Variants in RETREG1 observed in about 807,000 individuals in gnomAD.
RETREG1 encodes reticulophagy regulator 1.
A neutral mutation model predicts 54.8 loss-of-function variants in RETREG1; 44 were observed. The observed-to-expected ratio is 0.80, with a 90% confidence interval of 0.63 to 1.03. RETREG1 has a LOEUF of 1.03. Among genes scored for constraint, RETREG1 ranks in the 50% least tolerant of loss-of-function variants. The pLI is 0.00. For synonymous variants in RETREG1, 217 were observed against 238.5 expected (o/e 0.91, Z 0.83); for missense variants, 554 against 605.1 (o/e 0.92, Z 0.89).
intron 3 of RETREG1, among the ~76,000 whole-genome samples, chr5:16,515,198 T>C (rs960586874): frequency 6.6e-6 from 1 of 152,096 alleles, no homozygotes; most frequent in Admixed American, 6.5e-5. Flanking sequence ...CCATAGTGGT[T>C]GTACTACTTT....
intron 3 of RETREG1, among the ~76,000 whole-genome samples, chr5:16,485,477 A>G (rs1738979232): frequency 6.6e-6 from 1 of 152,118 alleles, no homozygotes; most frequent in Non-Finnish European, 1.5e-5. Context: ...ACAAAAAAAT[A>G]TTTTTTTGAA....
At chr5:16,567,610 C>T (rs939327797) in intron 2 of RETREG1, among the ~76,000 whole-genome samples, 3 of 152,136 alleles carry the variant, frequency 2.0e-5, no homozygotes, top group African/African-American at 4.8e-5. Flanking sequence ...GCCTCAGAGC[C>T]ACCCACTGAG....
rs527343482 is a variant in RETREG1 at position 16,473,858 on chromosome 5, T to A, written c.*883A>T. On this transcript the variant is annotated 3_prime_UTR_variant, in exon 9 of 9. Coordinates refer to ENST00000306320, the MANE Select transcript of RETREG1 (RefSeq NM_001034850.3). ...GATCACATCACTCATCAAGAACTAG[T>A]TTCACAATTTTAGGAGACTTTTTTC... 1 of 152,114 alleles carries A rather than the reference T, an allele frequency of 6.6e-6. No homozygotes were observed. The highest frequency in any genetic ancestry group is 2.4e-5 in the African/African-American group (1 of 41,434). 9.4% of individuals were successfully genotyped at this position (152,114 alleles called of 1,614,324 possible). A position where few individuals can be genotyped will look rare whatever the true frequency, so the allele number is the denominator to read the frequency against.
chr5:16,510,507 C>T (rs961442343), intron 3 of RETREG1, among the ~76,000 whole-genome samples: 15 of 151,834 alleles, frequency 9.9e-5, no homozygotes, highest in African/African-American at 3.4e-4. Flanking sequence ...AAAATCTTAT[C>T]GGCTGGGGGT....
At chr5:16,491,635 T>TA (rs1739251086) in intron 3 of RETREG1, among the ~76,000 whole-genome samples, 1 of 152,202 alleles carries the variant, frequency 6.6e-6, no homozygotes, top group Non-Finnish European at 1.5e-5. Flanking sequence ...AAAGTCCTAT[T>TA]AAAAATCTAG....
At chr5:16,604,862 T>C (rs1743142177) in intron 1 of RETREG1, among the ~76,000 whole-genome samples, 1 of 152,260 alleles carries the variant, frequency 6.6e-6, no homozygotes, top group Non-Finnish European at 1.5e-5. Flanking sequence ...CACAGCTGCA[T>C]GCTTCTAAAA....
At chr5:16,547,557 T>C (rs1244433644) in intron 3 of RETREG1, among the ~76,000 whole-genome samples, 2 of 152,210 alleles carry the variant, frequency 1.3e-5, no homozygotes, top group Non-Finnish European at 2.9e-5. Context: ...AAATAACTTA[T>C]GTTTCAGTAG....
intron 1 of RETREG1, among the ~76,000 whole-genome samples, chr5:16,581,665 A>G (rs1742487205): frequency 6.6e-6 from 1 of 152,106 alleles, no homozygotes; most frequent in African/African-American, 2.4e-5. Flanking sequence ...ATTAGAAGCA[A>G]TATTTCCACC....
intron 6 of RETREG1, 39 bp downstream of exon 6, chr5:16,478,811 C>T (rs779603632): frequency 6.9e-6 from 11 of 1,591,190 alleles, no homozygotes; most frequent in South Asian, 1.1e-5. Context: ...GCTAATGTCT[C>T]ATTTCATGCA....
chr5:16,525,330 C>T (rs142046964), intron 3 of RETREG1, among the ~76,000 whole-genome samples: 4 of 116,448 alleles, frequency 3.4e-5, no homozygotes, highest in Admixed American at 1.6e-4. Context: ...GGTGGATGTG[C>T]GCGGGTAACA....
At position 16,616,872 on chromosome 5, in the gene RETREG1, G is replaced by T. The variant is rs1320217144; in HGVS notation, c.100C>A (p.Pro34Thr). ...PPSPPPPQAS[P>T]AERQQQEEEA... The stretch of plus-strand genomic sequence containing the variant: ...TCCTCCTGCTGCTGCCGCTCTGCGG[G>T]GGATGCCTGGGGCGGTGGCGGCGAC... The change falls in exon 1 of 9, where the codon CCC (proline) becomes ACC (threonine). Residue 34 changes from proline (P) to threonine (T), a missense_variant. By Grantham distance (38) the Pro-to-Thr change is conservative. Transcript: ENST00000306320. 4.7e-6 allele frequency: 7 copies of T among 1,496,082 alleles called. No individual in the cohort carries two copies. In the Admixed American group the frequency reaches 1.3e-4, roughly 28 times the overall value. 92.7% of individuals were successfully genotyped at this position (1,496,082 alleles called of 1,614,324 possible). A position where few individuals can be genotyped will look rare whatever the true frequency, so the allele number is the denominator to read the frequency against.
At chr5:16,606,403 G>C (rs1743192343) in intron 1 of RETREG1, among the ~76,000 whole-genome samples, 1 of 152,114 alleles carries the variant, frequency 6.6e-6, no homozygotes, top group South Asian at 2.1e-4. Context: ...TCCCAAGGCT[G>C]CAACGACTAA....
chr5:16,534,046 A>ATT (rs1740987444), intron 3 of RETREG1, among the ~76,000 whole-genome samples: 1 of 152,058 alleles, frequency 6.6e-6, no homozygotes. Flanking sequence ...CAGACTTATA[A>ATT]GTCGGAAAAT....
chr5:16,615,244 CA>C (rs1743465496), intron 1 of RETREG1, among the ~76,000 whole-genome samples: 1 of 151,492 alleles, frequency 6.6e-6, no homozygotes, highest in Admixed American at 6.6e-5. Context: ...AAAAAAAATA[CA>C]AAAAACTGGC....
chr5:16,497,666 A>G (rs1379700641), intron 3 of RETREG1, among the ~76,000 whole-genome samples: 1 of 152,220 alleles, frequency 6.6e-6, no homozygotes, highest in Non-Finnish European at 1.5e-5. Context: ...AAAGAGAAAG[A>G]TTATCACCCT....
At chr5:16,544,587 T>C (rs757534371) in intron 3 of RETREG1, among the ~76,000 whole-genome samples, 1 of 152,236 alleles carries the variant, frequency 6.6e-6, no homozygotes, top group Non-Finnish European at 1.5e-5. Flanking sequence ...TTTGAGTTAA[T>C]TTCTGTTTGT....
intron 1 of RETREG1, among the ~76,000 whole-genome samples, chr5:16,607,361 C>T (rs1368579593): frequency 1.3e-5 from 2 of 152,070 alleles, no homozygotes; most frequent in Middle Eastern, 3.2e-3. Context: ...TTTGGCCAGG[C>T]GTGGTGGCTC....
At chr5:16,591,699 G>C (rs1400618059) in intron 1 of RETREG1, among the ~76,000 whole-genome samples, 1 of 152,170 alleles carries the variant, frequency 6.6e-6, no homozygotes, top group East Asian at 1.9e-4. Flanking sequence ...AATTAAACAA[G>C]GGGGACGAAG....
intron 3 of RETREG1, among the ~76,000 whole-genome samples, chr5:16,551,384 C>T (rs776245981): frequency 2.0e-5 from 3 of 152,172 alleles, no homozygotes; most frequent in South Asian, 4.1e-4. Context: ...TCTTAGAACC[C>T]AGTTAATGCT....
Sources: gnomAD v4.1 joint callset for allele counts (sites outside exome capture counted in the v4.1 genomes callset) on GRCh38, gnomAD v4.1.1 for gene constraint, MANE v1.5 for transcripts, NCBI Gene and HGNC (gene_info 2026-07-23, HGNC 2026-07-21) for gene names.